Variants in PARP4 observed in about 807,000 individuals in gnomAD.
PARP4 encodes protein mono-ADP-ribosyltransferase PARP4.
A neutral mutation model predicts 187.7 loss-of-function variants in PARP4; 120 were observed. That is an observed-to-expected ratio of 0.64 (90% confidence interval 0.55 to 0.74). PARP4 has a LOEUF of 0.74. Among genes scored for constraint, PARP4 ranks in the 30% least tolerant of loss-of-function variants. PARP4 has a pLI of 0.00. For missense variants in PARP4, 1,836 were observed against 2,070.5 expected (o/e 0.89, Z 2.20); for synonymous variants, 654 against 740.9 (o/e 0.88, Z 1.90).
chr13:24,473,918 T>A (rs1275134505), intron 15 of PARP4, among the ~76,000 whole-genome samples: 1 of 152,184 alleles, frequency 6.6e-6, no homozygotes, highest in Non-Finnish European at 1.5e-5. Flanking sequence ...GTCTCCACGT[T>A]GGCCTCTGTG....
intron 4 of PARP4, 32 bp from the exon 5 acceptor site, chr13:24,499,408 A>C (rs1348742712): frequency 1.3e-6 from 2 of 1,520,040 alleles, no homozygotes; most frequent in African/African-American, 2.8e-5. Flanking sequence ...TAAAATTTTA[A>C]CATTAAATGG....
intron 1 of PARP4, 101 bp from the exon 2 acceptor site, chr13:24,503,878 TAAGA>T: frequency 5.1e-6 from 5 of 974,102 alleles, no homozygotes; most frequent in Non-Finnish European, 7.9e-6. Context: ...GGCATTATCT[TAAGA>T]AAGATATTGC....
At chr13:24,510,694 A>G (rs1393681805) in intron 1 of PARP4, among the ~76,000 whole-genome samples, 1 of 146,938 alleles carries the variant, frequency 6.8e-6, no homozygotes, top group Non-Finnish European at 1.5e-5. Context: ...AAGGAGTATA[A>G]ACATTTTTTA....
In PARP4 at chr13:24,455,150, G is replaced by A. The variant is rs755544025; in HGVS notation, c.2625C>T (p.Ser875=). The change falls in exon 22 of 34, where the codon AGC becomes AGT. Residue 875 remains serine (S), a synonymous_variant. Transcript: ENST00000381989. The part of the protein sequence containing the change: ...DVDLPDLASE[S]EVIICLDCSS... ...AGCAGTCAAGACAAATAATCACTTC[G>A]CTCTCACTGGCTAGGTCAGGGAGGT... is the stretch of plus-strand genomic sequence containing the variant. 1.4e-5 allele frequency: 23 copies of A among 1,611,702 alleles called. No homozygotes were observed. Among genetic ancestry groups the A allele is most frequent in the Non-Finnish European group, 1.8e-5 (21 of 1,178,210 alleles).
At chr13:24,505,242 G>T (rs1016807714) in intron 1 of PARP4, among the ~76,000 whole-genome samples, 11 of 152,142 alleles carry the variant, frequency 7.2e-5, no homozygotes, top group Non-Finnish European at 1.6e-4. Flanking sequence ...AAAACCTACA[G>T]AAGTAGGGGA....
intron 1 of PARP4, among the ~76,000 whole-genome samples, chr13:24,512,111 A>G (rs1392819247): frequency 6.6e-6 from 1 of 152,218 alleles, no homozygotes; most frequent in Non-Finnish European, 1.5e-5. Context: ...TTGGGCTTGA[A>G]TATTTAGCAG....
rs370857455 is a variant in PARP4 at position 24,494,658 on chromosome 13, A to G, written c.656T>C (p.Ile219Thr). 3.9e-5 allele frequency: 62 copies of G among 1,609,830 alleles called. No homozygotes were observed. Among genetic ancestry groups the G allele is most frequent in the Non-Finnish European group, 4.8e-5 (57 of 1,176,624 alleles). ...EDASEYFENY[I>T]EELKKQGFLL... ...AAATCCTTGTTTCTTCAGTTCTTCAATGTAATTTTCAAAGTATTCACTTGC... is the reference window on the plus strand; with the variant it reads ...AAATCCTTGTTTCTTCAGTTCTTCAGTGTAATTTTCAAAGTATTCACTTGC... The change falls in exon 7 of 34, where the codon ATT (isoleucine) becomes ACT (threonine). Residue 219 changes from isoleucine (I) to threonine (T), a missense_variant. Physicochemically the swap from Ile to Thr is moderately conservative, Grantham distance 89. Around this residue, in one of 8 missense-constraint regions of PARP4, gnomAD observed 1,147 missense variants for 1,214.2 expected, o/e 0.94. Coordinates refer to ENST00000381989, the MANE Select transcript of PARP4 (RefSeq NM_006437.4).
rs1868798267 is a variant in PARP4, at chr13:24,493,817, G to A, written c.742-84C>T. On this transcript the variant is annotated intron_variant, in intron 7 of 33. Transcript: ENST00000381989. ...CTTACATGGGCCAACGAACAGAGGT[G>A]TGAGGAGAAATAATTGATTAGAGCC... The A allele has an allele frequency of 3.0e-6, 4 of 1,349,854 alleles. No homozygotes were observed. In the Admixed American group the frequency reaches 7.4e-5, roughly 25 times the overall value. 83.6% of individuals were successfully genotyped at this position (1,349,854 alleles called of 1,614,324 possible). A position where few individuals can be genotyped will look rare whatever the true frequency, so the allele number is the denominator to read the frequency against.
At chr13:24,459,563 ACAC>A in intron 18 of PARP4, 1 of 411,870 alleles carries the variant, frequency 2.4e-6, no homozygotes, top group African/African-American at 2.0e-5. Context: ...ACACACACAC[ACAC>A]ATTTTATACA....
At position 24,478,284 on chromosome 13, in the gene PARP4, C is replaced by T. The variant is rs548308783; in HGVS notation, c.1449-8G>A. ...GAGTACTTGATACTTGTACTACATG[C>T]GAAAGGAAATAAACACATATTTACA... On this transcript the variant is annotated splice_polypyrimidine_tract_variant and splice_region_variant and intron_variant, in intron 12 of 33. Coordinates refer to ENST00000381989, the MANE Select transcript of PARP4 (RefSeq NM_006437.4). 1.2e-5 allele frequency: 19 copies of T among 1,566,964 alleles called. No homozygotes were observed. The African/African-American group carries it at 1.5e-4, about 12-fold the overall frequency.
intron 17 of PARP4, among the ~76,000 whole-genome samples, chr13:24,461,812 G>A (rs1800926770): frequency 6.6e-6 from 1 of 152,160 alleles, no homozygotes; most frequent in Non-Finnish European, 1.5e-5. Context: ...TGCGGGGAAG[G>A]GGCAGAAGTA....
chr13:24,479,475 C>T (rs74887573), intron 12 of PARP4, among the ~76,000 whole-genome samples: 5,723 of 152,262 alleles, frequency 0.038, 162 homozygotes, highest in Non-Finnish European at 0.053. Flanking sequence ...ACCTTTATGT[C>T]TAGCTCAGGG....
At chr13:24,480,145 T>C (rs1873199693) in intron 12 of PARP4, among the ~76,000 whole-genome samples, 1 of 152,240 alleles carries the variant, frequency 6.6e-6, no homozygotes, top group African/African-American at 2.4e-5. Flanking sequence ...GGCTTCATTC[T>C]TGAAGTCAGT....
At chr13:24,444,453 T>G (rs1288724510) in intron 27 of PARP4, among the ~76,000 whole-genome samples, 3 of 152,256 alleles carry the variant, frequency 2.0e-5, no homozygotes, top group Admixed American at 6.5e-5. Context: ...AAGTCAATGA[T>G]ACCGATTTAG....
At chr13:24,445,245 C>G (rs1871153240) in intron 27 of PARP4, among the ~76,000 whole-genome samples, 1 of 151,940 alleles carries the variant, frequency 6.6e-6, no homozygotes, top group Admixed American at 6.6e-5. Context: ...GAGGGAAAGT[C>G]TGAACTTCCC....
chr13:24,470,164 G>A, intron 15 of PARP4, 139 bp from the exon 16 acceptor site: 1 of 733,680 alleles, frequency 1.4e-6, no homozygotes, highest in East Asian at 2.9e-5. Flanking sequence ...TCCCAACCCT[G>A]GCTTCACTTC....
At chr13:24,434,272 G>A (rs1870487570) in intron 31 of PARP4, 123 bp downstream of exon 31, 1 of 864,672 alleles carries the variant, frequency 1.2e-6, no homozygotes. Context: ...TATACCCAGT[G>A]TACAACCCCT....
At chr13:24,464,951 A>C (rs1872382344) in intron 17 of PARP4, among the ~76,000 whole-genome samples, 1 of 152,150 alleles carries the variant, frequency 6.6e-6, no homozygotes, top group Admixed American at 6.6e-5. Context: ...TTTACAAGAA[A>C]AAAAAACCCC....
At chr13:24,502,405 G>A (rs189320530) in intron 2 of PARP4, among the ~76,000 whole-genome samples, 9 of 152,252 alleles carry the variant, frequency 5.9e-5, no homozygotes, top group African/African-American at 1.7e-4. Context: ...TAATGACGAC[G>A]TATTAACTTC....
Sources: allele counts gnomAD v4.1 joint callset (sites outside exome capture counted in the v4.1 genomes callset), GRCh38; gene constraint gnomAD v4.1.1; regional missense constraint gnomAD v4.1.1; transcripts MANE v1.5; gene names NCBI Gene and HGNC (gene_info 2026-07-23, HGNC 2026-07-21).